HECW1: variants seen among roughly 807,000 people sequenced by gnomAD.
HECW1 encodes HECT, C2 and WW domain containing E3 ubiquitin protein ligase 1.
Under a neutral mutation model 182.3 loss-of-function variants are expected in HECW1, and 61 were observed. The ratio of observed to expected loss-of-function variants is 0.33; its 90% CI spans 0.27 to 0.41. The LOEUF (loss-of-function observed/expected upper bound fraction) is 0.41, where lower values mean the gene tolerates loss of function less well. HECW1 is among the 10% of genes least tolerant of loss of function. The pLI is 1.00. For missense variants in HECW1, 1,739 were observed against 2,108.9 expected, an observed-to-expected ratio of 0.82 and a Z score of 3.44; for synonymous variants, 859 against 832.6, an observed-to-expected ratio of 1.03 and a Z score of -0.55.
intron 24 of HECW1, among the ~76,000 whole-genome samples, chr7:43,533,376 C>A (rs1023422164): frequency 6.6e-6 from 1 of 152,136 alleles, no homozygotes; most frequent in African/African-American, 2.4e-5. Flanking sequence ...TTCTAGAACT[C>A]AGCTGACACA....
At chr7:43,203,264 G>A (rs1795175755) in intron 2 of HECW1, among the ~76,000 whole-genome samples, 1 of 152,142 alleles carries the variant, frequency 6.6e-6, no homozygotes, top group Non-Finnish European at 1.5e-5. Context: ...ACATGCTACA[G>A]GAAGTTGATG....
In HECW1 at chr7:43,181,719, A is replaced by G. The variant is rs78521560; in HGVS notation, c.-31-62156A>G. On this transcript the variant is annotated intron_variant, in intron 2 of 29. Transcript: ENST00000395891. ...CTATTGAGTTGTTTGAGTTCCTAAT[A>G]TATTCTGGATATTAACTCTTTGTCA... Among the ~76,000 whole-genome samples the G allele has an allele frequency of 9.3e-5, 14 of 151,026 alleles. No individual in the cohort carries two copies. The East Asian group carries it at 2.7e-3, about 29-fold the overall frequency.
intron 2 of HECW1, among the ~76,000 whole-genome samples, chr7:43,170,584 G>A (rs1267274877): frequency 2.0e-5 from 3 of 152,196 alleles, no homozygotes; most frequent in Non-Finnish European, 4.4e-5. Context: ...CACTCTCACT[G>A]GCAGAGGTCA....
intron 3 of HECW1, among the ~76,000 whole-genome samples, chr7:43,311,208 A>G (rs1808461015): frequency 6.6e-6 from 1 of 152,230 alleles, no homozygotes; most frequent in Non-Finnish European, 1.5e-5. Flanking sequence ...TCCTTCATAG[A>G]AACTTCATAC....
At chr7:43,530,396 A>G (rs539509079) in intron 24 of HECW1, among the ~76,000 whole-genome samples, 9 of 152,174 alleles carry the variant, frequency 5.9e-5, no homozygotes, top group Non-Finnish European at 1.3e-4. Context: ...TAGTTTTATC[A>G]CATCAGTAAG....
chr7:43,174,221 T>C (rs916982223), intron 2 of HECW1, among the ~76,000 whole-genome samples: 3 of 152,160 alleles, frequency 2.0e-5, no homozygotes, highest in Admixed American at 6.6e-5. Context: ...GAAATGGGTT[T>C]GTCCCCCAGT....
intron 4 of HECW1, among the ~76,000 whole-genome samples, chr7:43,315,038 A>G (rs1295736624): frequency 2.0e-5 from 3 of 152,208 alleles, no homozygotes; most frequent in Non-Finnish European, 4.4e-5. Context: ...TCCGTGTGCC[A>G]TCAAATGTCC....
chr7:43,324,656 C>T (rs1361770036), intron 5 of HECW1, among the ~76,000 whole-genome samples: 1 of 152,120 alleles, frequency 6.6e-6, no homozygotes, highest in African/African-American at 2.4e-5. Context: ...TTGCAGTCTC[C>T]CGGCAGTAAT....
intron 5 of HECW1, among the ~76,000 whole-genome samples, chr7:43,345,863 TAC>T (rs752195896): frequency 4.4e-4 from 67 of 151,492 alleles, no homozygotes; most frequent in African/African-American, 7.7e-4. Context: ...TATATATATA[TAC>T]ACACACACAC....
intron 2 of HECW1, among the ~76,000 whole-genome samples, chr7:43,154,038 G>C (rs1789627582): frequency 6.6e-6 from 1 of 151,952 alleles, no homozygotes; most frequent in Admixed American, 6.6e-5. Context: ...AGTTCTAATA[G>C]TATTTTAAAA....
intron 6 of HECW1, 75 bp downstream of exon 6, chr7:43,361,055 TGC>T (rs1291991720): frequency 5.2e-6 from 4 of 771,608 alleles, no homozygotes; most frequent in African/African-American, 2.7e-5. Context: ...TTCTTGTGCG[TGC>T]GTGTGTGTGT....
chr7:43,336,776 T>G (rs112321952), intron 5 of HECW1, among the ~76,000 whole-genome samples: 2 of 152,342 alleles, frequency 1.3e-5, no homozygotes, highest in African/African-American at 4.8e-5. Flanking sequence ...TGTTTAGCTC[T>G]CACTTATACA....
At chr7:43,544,014 A>C (rs1325223043) in intron 26 of HECW1, among the ~76,000 whole-genome samples, 1 of 152,158 alleles carries the variant, frequency 6.6e-6, no homozygotes, top group South Asian at 2.1e-4. Context: ...CCCTAACCTA[A>C]CTCATGACAC....
intron 5 of HECW1, among the ~76,000 whole-genome samples, chr7:43,343,495 CT>C (rs1172541843): frequency 1.3e-5 from 2 of 151,620 alleles, no homozygotes; most frequent in Non-Finnish European, 2.9e-5. Flanking sequence ...CAATTCCCAC[CT>C]ACGAGTGAGA....
rs140683061 is a variant in HECW1, at chr7:43,507,998, C to T, written c.3753-20C>T. On this transcript the variant is annotated intron_variant, in intron 22 of 29. Transcript: ENST00000395891. ...ATCCTGACTTCAGGGCCACTGCTCA[C>T]CACCCCTTCTCCTTCTCAGGCTCAT... is the stretch of plus-strand genomic sequence containing the variant. The T allele has an allele frequency of 5.7e-3, 9,012 of 1,582,240 alleles. 42 individuals carry two copies. Among genetic ancestry groups the T allele is most frequent in the Non-Finnish European group, 7.4e-3 (8,547 of 1,151,162 alleles).
chr7:43,184,176 G>T (rs1793145219), intron 2 of HECW1, among the ~76,000 whole-genome samples: 1 of 152,098 alleles, frequency 6.6e-6, no homozygotes, highest in African/African-American at 2.4e-5. Context: ...ACCATGCCTG[G>T]CTAATTTTTT....
chr7:43,331,184 G>A (rs1185434339), intron 5 of HECW1, among the ~76,000 whole-genome samples: 1 of 150,798 alleles, frequency 6.6e-6, no homozygotes, highest in East Asian at 2.0e-4. Flanking sequence ...CCCACCCTGT[G>A]TCCAAGTGTT....
Position 43,346,553 on chromosome 7 carries a change from G to A in HECW1, c.461-14333G>A, listed in dbSNP as rs148124253. ...TGCATTTGCTTTTGGGTTCTTGGTC[G>A]TGAAATCCTTGCCTAAGCCAATGTC... On this transcript the variant is annotated intron_variant, in intron 5 of 29. Transcript: ENST00000395891. 1.8e-3 allele frequency among the ~76,000 whole-genome samples: 275 copies of A among 152,130 alleles called. 1 individual carries two copies. Among genetic ancestry groups the A allele is most frequent in the African/African-American group, 5.9e-3 (246 of 41,540 alleles).
At chr7:43,435,319 T>C (rs2076676384) in intron 8 of HECW1, among the ~76,000 whole-genome samples, 1 of 152,218 alleles carries the variant, frequency 6.6e-6, no homozygotes, top group Admixed American at 6.5e-5. Flanking sequence ...TCAGCAGGGC[T>C]GGATTCTCAC....
Sources: allele counts gnomAD v4.1 joint callset (sites outside exome capture counted in the v4.1 genomes callset), GRCh38; gene constraint gnomAD v4.1.1; transcripts MANE v1.5; gene names NCBI Gene and HGNC (gene_info 2026-07-23, HGNC 2026-07-21).